The following SEC61B variants were observed in gnomAD, a reference collection of about 807,000 sequenced individuals.
SEC61B encodes the protein SEC61 translocon subunit beta.
SEC61B carries 7 observed loss-of-function variants against 12.6 expected under a neutral mutation model. That is an observed-to-expected ratio of 0.55 (90% CI 0.32 to 1.04). SEC61B has a LOEUF of 1.04. SEC61B is among the 50% of genes least tolerant of loss of function. SEC61B has a pLI of 0.05. For synonymous variants in SEC61B, 54 were observed against 50.1 expected (o/e 1.08, Z -0.33); for missense variants, 107 against 130.1 (o/e 0.82, Z 0.86).
rs1444773593 is a variant in SEC61B at position 99,222,326 on chromosome 9, T to C, written c.-38T>C. 1 of 1,614,112 alleles carries C rather than the reference T, an allele frequency of 6.2e-7. No homozygotes were observed. Among genetic ancestry groups the C allele is most frequent in the South Asian group, 1.1e-5 (1 of 91,084 alleles). On this transcript the variant is annotated 5_prime_UTR_variant, in exon 1 of 4. Transcript: ENST00000223641. ...CTTTCGGGGGCTCCGTAACTTTCTA[T>C]CCGTCCGCGTCAGCGCCTTGCCACC...
intron 2 of SEC61B, among the ~76,000 whole-genome samples, chr9:99,224,377 T>G (rs1828873597): frequency 6.6e-6 from 1 of 152,134 alleles, no homozygotes; most frequent in Non-Finnish European, 1.5e-5. Flanking sequence ...TTTTAGAGAT[T>G]TTTCGTGCAG....
rs115809522 is a variant in SEC61B at position 99,230,226 on chromosome 9, C to G, written c.204-111C>G. ...ATACAAATAATGTTTCTGGATGAAC[C>G]TTGAGTGCTGCCCACCTTACCTCTA... On this transcript the variant is annotated intron_variant, in intron 3 of 3. Transcript: ENST00000223641. 1,044 of 603,190 alleles carry G rather than the reference C, an allele frequency of 1.7e-3. 8 individuals carry two copies. Among genetic ancestry groups the G allele is most frequent in the African/African-American group, 0.017 (892 of 52,246 alleles). The allele number at this position is 603,190 out of a possible 1,614,324, so 37.4% of individuals were successfully genotyped here.
chr9:99,225,743 T>C (rs1828886287), intron 2 of SEC61B, among the ~76,000 whole-genome samples: 1 of 152,230 alleles, frequency 6.6e-6, no homozygotes, highest in East Asian at 1.9e-4. Context: ...TACTCTTCTA[T>C]GTTCCATGCG....
intron 2 of SEC61B, among the ~76,000 whole-genome samples, chr9:99,225,251 C>T (rs1254024048): frequency 6.6e-6 from 1 of 152,092 alleles, no homozygotes; most frequent in African/African-American, 2.4e-5. Context: ...GAAAATAAGA[C>T]AATGTAATTT....
intron 2 of SEC61B, 60 bp downstream of exon 2, chr9:99,222,703 G>A: frequency 3.4e-6 from 4 of 1,191,246 alleles, no homozygotes; most frequent in Non-Finnish European, 4.6e-6. Flanking sequence ...GAACCTCGCT[G>A]ATTCTGGGGT....
intron 2 of SEC61B, among the ~76,000 whole-genome samples, chr9:99,225,501 A>G (rs1332865285): frequency 6.6e-6 from 1 of 152,206 alleles, no homozygotes; most frequent in East Asian, 1.9e-4. Flanking sequence ...TTGAGGAGCA[A>G]CAGAAGCACC....
intron 2 of SEC61B, chr9:99,222,894 AAAACCGATGTCATT>A: frequency 2.4e-6 from 1 of 412,056 alleles, no homozygotes; most frequent in Non-Finnish European, 4.3e-6. Context: ...TAACTTTGAG[AAAACCGATGTCATT>A]AAACTGGTGT....
intron 2 of SEC61B, among the ~76,000 whole-genome samples, chr9:99,226,077 A>G (rs1828890942): frequency 6.6e-6 from 1 of 152,384 alleles, no homozygotes. Flanking sequence ...TTTGCCATTT[A>G]CAATCAGTTT....
Position 99,222,538 on chromosome 9 carries a change from C to T in SEC61B, c.4-8C>T. On this transcript the variant is annotated splice_region_variant and splice_polypyrimidine_tract_variant and intron_variant, in intron 1 of 3. Coordinates refer to ENST00000223641, the MANE Select transcript of SEC61B (RefSeq NM_006808.3). ...CTCACCCGTCTGTCTGCTTGTCTCC[C>T]TCTACAGCCTGGTCCGACCCCCAGT... The T allele has an allele frequency of 6.3e-7, 1 of 1,595,160 alleles. No individual in the cohort carries two copies. The highest frequency in any genetic ancestry group is 8.5e-7 in the Non-Finnish European group (1 of 1,170,356).
Position 99,222,341 on chromosome 9 carries a change from GC to G in SEC61B, c.-21del. The G allele has an allele frequency of 6.2e-7, 1 of 1,614,138 alleles. No individual in the cohort carries two copies. The highest frequency in any genetic ancestry group is 8.5e-7 in the Non-Finnish European group (1 of 1,180,024). The stretch of plus-strand genomic sequence containing the variant: ...TAACTTTCTATCCGTCCGCGTCAGC[GC>G]CTTGCCACCCTCATCTCCAATATGG... On this transcript the variant is annotated 5_prime_UTR_variant, in exon 1 of 4. Coordinates refer to ENST00000223641, the MANE Select transcript of SEC61B (RefSeq NM_006808.3).
Position 99,222,314 on chromosome 9 carries a change from C to G in SEC61B, c.-50C>G, listed in dbSNP as rs766445483. 6 of 1,614,034 alleles carry G rather than the reference C, an allele frequency of 3.7e-6. No homozygotes were observed. In the East Asian group the frequency reaches 1.3e-4, roughly 36 times the overall value. ...CCAGCTGCCGGTCTTTCGGGGGCTCCGTAACTTTCTATCCGTCCGCGTCAG... is the reference window on the plus strand; with the variant it reads ...CCAGCTGCCGGTCTTTCGGGGGCTCGGTAACTTTCTATCCGTCCGCGTCAG... On this transcript the variant is annotated 5_prime_UTR_variant, in exon 1 of 4. Coordinates refer to ENST00000223641, the MANE Select transcript of SEC61B (RefSeq NM_006808.3).
chr9:99,222,428 C>T (rs944119471), intron 1 of SEC61B, 62 bp downstream of exon 1: 19 of 1,612,084 alleles, frequency 1.2e-5, no homozygotes, highest in Non-Finnish European at 1.4e-5. Context: ...CTGCTTTGCG[C>T]CGTGCTTTTC....
intron 2 of SEC61B, chr9:99,223,241 G>C (rs1296630328): frequency 1.3e-5 from 2 of 151,604 alleles, no homozygotes; most frequent in Non-Finnish European, 2.9e-5. Context: ...CTTTTCTTCA[G>C]GCTGTTTGCT....
At chr9:99,223,344 A>G (rs1257373802) in intron 2 of SEC61B, among the ~76,000 whole-genome samples, 5 of 150,676 alleles carry the variant, frequency 3.3e-5, no homozygotes, top group African/African-American at 4.9e-5. Flanking sequence ...AAAAAAAAAA[A>G]CCGGGGGGAT....
At position 99,230,523 on chromosome 9, in the gene SEC61B, T is replaced by C. The variant is rs147004704; in HGVS notation, c.*99T>C. The C allele has an allele frequency of 2.6e-4, 197 of 761,790 alleles. No homozygotes were observed. In the African/African-American group the frequency reaches 2.9e-3, roughly 11 times the overall value. The allele number at this position is 761,790 out of a possible 1,614,324, so 47.2% of individuals were successfully genotyped here. ...CTATCTGTTCATGAGAGAAATTTTC[T>C]GTAAGCTTGCTGTTTTACAGGGGAT... is the stretch of plus-strand genomic sequence containing the variant. On this transcript the variant is annotated 3_prime_UTR_variant, in exon 4 of 4. Coordinates refer to ENST00000223641, the MANE Select transcript of SEC61B (RefSeq NM_006808.3).
intron 2 of SEC61B, among the ~76,000 whole-genome samples, chr9:99,225,375 G>T (rs1195300751): frequency 6.6e-6 from 1 of 152,168 alleles, no homozygotes; most frequent in African/African-American, 2.4e-5. Flanking sequence ...GGTAATACCT[G>T]AGTAGATACC....
At chr9:99,228,025 G>A in intron 3 of SEC61B, 25 bp downstream of exon 3, 2 of 1,577,436 alleles carry the variant, frequency 1.3e-6, no homozygotes, top group South Asian at 2.2e-5. Flanking sequence ...CAGTCCTTGT[G>A]TTTCTGTCCA....
At chr9:99,222,966 A>AT in intron 2 of SEC61B, 1 of 259,730 alleles carries the variant, frequency 3.9e-6, no homozygotes. Context: ...CGGCCCCATA[A>AT]GCAATCTGTC....
intron 1 of SEC61B, 56 bp downstream of exon 1, chr9:99,222,422 T>C: frequency 6.2e-7 from 1 of 1,613,370 alleles, no homozygotes; most frequent in Non-Finnish European, 8.5e-7. Context: ...CTCCTCCTGC[T>C]TTGCGCCGTG....
Sources: gnomAD v4.1 joint callset for allele counts (sites outside exome capture counted in the v4.1 genomes callset) on GRCh38, gnomAD v4.1.1 for gene constraint, MANE v1.5 for transcripts, NCBI Gene and HGNC (gene_info 2026-07-23, HGNC 2026-07-21) for gene names.